PRELID2: variants seen among roughly 807,000 people sequenced by gnomAD.
The protein encoded by PRELID2 is PRELI domain containing 2, also known as PRELI domain-containing protein 2.
PRELID2 carries 25 observed loss-of-function variants against 28.4 expected under a neutral mutation model. That is an observed-to-expected ratio of 0.88 (90% CI 0.64 to 1.23). PRELID2 has a LOEUF of 1.23. PRELID2 is among the 50% of genes most tolerant of loss of function. The pLI is 0.00. For missense variants in PRELID2, 201 were observed against 214.4 expected (o/e 0.94, Z 0.39); for synonymous variants, 76 against 71.6 (o/e 1.06, Z -0.31).
the PRELID2 span, among the ~76,000 whole-genome samples, chr5:145,444,779 T>C: frequency 1.3e-5 from 2 of 152,050 alleles, no homozygotes; most frequent in African/African-American, 4.8e-5. Flanking sequence ...GTCCACTTAT[T>C]TCATATTAAG....
intron 1 of PRELID2, among the ~76,000 whole-genome samples, chr5:145,710,750 C>A (rs1018738711): frequency 6.6e-6 from 1 of 152,232 alleles, no homozygotes; most frequent in Non-Finnish European, 1.5e-5. Flanking sequence ...ATTTCATCTG[C>A]ATGCCAAGTA....
rs576382244 is a variant in PRELID2 at position 145,482,617 on chromosome 5, A to C, written n.71-9302T>G. ...TTTTTCCACGAACTGGGTTGTTGGG[A>C]AGGGGATGGTTTTGGTATGATTCAA... is the stretch of plus-strand genomic sequence containing the variant. On this transcript the variant is annotated intron_variant and non_coding_transcript_variant, in intron 1 of 2. Transcript: ENST00000510259. Among the ~76,000 whole-genome samples the C allele has an allele frequency of 3.9e-5, 6 of 152,092 alleles. 1 individual carries two copies. Among genetic ancestry groups the C allele is most frequent in the African/African-American group, 1.4e-4 (6 of 41,478 alleles).
At chr5:145,264,469 A>C in the PRELID2 span, among the ~76,000 whole-genome samples, 1 of 152,166 alleles carries the variant, frequency 6.6e-6, no homozygotes, top group African/African-American at 2.4e-5. Flanking sequence ...CCCTCCACAA[A>C]ATAGGCATAA....
chr5:145,650,303 C>T (rs976659180), intron 1 of PRELID2, among the ~76,000 whole-genome samples: 1 of 151,924 alleles, frequency 6.6e-6, no homozygotes, highest in Admixed American at 6.6e-5. Flanking sequence ...ACGAGTAGCA[C>T]TGAATGCCAG....
At chr5:145,569,292 A>G (rs1752997108) in intron 1 of PRELID2, among the ~76,000 whole-genome samples, 1 of 152,242 alleles carries the variant, frequency 6.6e-6, no homozygotes. Context: ...AGTCAAAAGA[A>G]AACCTGGTTT....
At chr5:145,667,349 T>C (rs987549189) in intron 1 of PRELID2, among the ~76,000 whole-genome samples, 1 of 152,088 alleles carries the variant, frequency 6.6e-6, no homozygotes, top group Non-Finnish European at 1.5e-5. Context: ...ATTGTCAAAA[T>C]ACACAGTTGT....
chr5:145,709,597 C>A lies in PRELID2; in HGVS notation n.70+55334G>T, dbSNP rs376538717. 1.2e-3 allele frequency among the ~76,000 whole-genome samples: 173 copies of A among 145,640 alleles called. 1 individual carries two copies. Among genetic ancestry groups the A allele is most frequent in the African/African-American group, 2.8e-3 (110 of 39,602 alleles). The stretch of plus-strand genomic sequence containing the variant: ...GATCTGTATTTAAAAAAAAAAAAAA[C>A]AAAATGAAGTGTGTCTGCTCTGTTT... On this transcript the variant is annotated intron_variant and non_coding_transcript_variant, in intron 1 of 2. Transcript: ENST00000510259.
At chr5:145,768,255 GA>G (rs1757895602) in intron 5 of PRELID2, among the ~76,000 whole-genome samples, 1 of 148,998 alleles carries the variant, frequency 6.7e-6, no homozygotes, top group Admixed American at 6.7e-5. Context: ...AGAATTAGGG[GA>G]AAGGGGATTG....
At chr5:145,799,240 A>G (rs942603775) in intron 4 of PRELID2, among the ~76,000 whole-genome samples, 5 of 151,026 alleles carry the variant, frequency 3.3e-5, no homozygotes, top group Non-Finnish European at 5.9e-5. Flanking sequence ...AAAAAAAAAA[A>G]AACCTACAAG....
In PRELID2 at chr5:145,782,687, G is replaced by A. The variant is rs183639610; in HGVS notation, c.474+13755C>T. Among the ~76,000 whole-genome samples the A allele has an allele frequency of 2.3e-3, 351 of 152,252 alleles. 1 individual carries two copies. The highest frequency in any genetic ancestry group is 0.01 in the Middle Eastern group (3 of 294). On this transcript the variant is annotated intron_variant, in intron 5 of 6. Coordinates refer to ENST00000683046, the MANE Select transcript of PRELID2 (RefSeq NM_205846.3). ...GCTAATTAGCATTTTATAAAATTAT[G>A]TTTCTTATTTTTAAATATTTTATTG...
chr5:145,722,593 G>A (rs1756021198), intron 1 of PRELID2, among the ~76,000 whole-genome samples: 1 of 152,122 alleles, frequency 6.6e-6, no homozygotes, highest in African/African-American at 2.4e-5. Flanking sequence ...CCACCTCCTG[G>A]GTTCAAGCGA....
intron 1 of PRELID2, among the ~76,000 whole-genome samples, chr5:145,745,306 G>C (rs774222606): frequency 1.3e-5 from 2 of 152,160 alleles, no homozygotes; most frequent in Non-Finnish European, 2.9e-5. Context: ...TTATCCAGGA[G>C]ACCTTCCCCA....
the PRELID2 span, among the ~76,000 whole-genome samples, chr5:145,278,436 C>A: frequency 6.6e-6 from 1 of 152,146 alleles, no homozygotes; most frequent in Non-Finnish European, 1.5e-5. Flanking sequence ...TGGCAGGATT[C>A]AATTCCTTGC....
the PRELID2 span, among the ~76,000 whole-genome samples, chr5:145,259,224 G>A: frequency 6.6e-6 from 1 of 152,218 alleles, no homozygotes; most frequent in Non-Finnish European, 1.5e-5. Context: ...TACTAGAGCA[G>A]TGAAGAGGGG....
the PRELID2 span, among the ~76,000 whole-genome samples, chr5:145,437,930 A>G: frequency 9.9e-5 from 15 of 152,110 alleles, no homozygotes; most frequent in Admixed American, 2.6e-4. Flanking sequence ...TAGCTCTGAA[A>G]ATGCTTCTTT....
At chr5:145,672,003 G>T (rs17103600) in intron 1 of PRELID2, among the ~76,000 whole-genome samples, 1 of 151,992 alleles carries the variant, frequency 6.6e-6, no homozygotes, top group African/African-American at 2.4e-5. Context: ...ATTTTCAAAC[G>T]CCTTGAATGG....
chr5:145,357,701 C>T, the PRELID2 span, among the ~76,000 whole-genome samples: 28 of 152,196 alleles, frequency 1.8e-4, no homozygotes, highest in African/African-American at 6.3e-4. Flanking sequence ...TCCTGAATGT[C>T]GATGATCTTT....
the PRELID2 span, among the ~76,000 whole-genome samples, chr5:145,426,045 G>T: frequency 2.6e-5 from 4 of 151,986 alleles, no homozygotes; most frequent in African/African-American, 9.7e-5. Context: ...TGAATTAAAC[G>T]TGGTGATTGT....
At chr5:145,665,921 T>G (rs1322842150) in intron 1 of PRELID2, among the ~76,000 whole-genome samples, 1 of 151,848 alleles carries the variant, frequency 6.6e-6, no homozygotes, top group African/African-American at 2.4e-5. Flanking sequence ...GAGAAACTTT[T>G]TTTGTAAGTA....
Sources: allele counts gnomAD v4.1 joint callset (sites outside exome capture counted in the v4.1 genomes callset), GRCh38; gene constraint gnomAD v4.1.1; transcripts MANE v1.5; gene names NCBI Gene and HGNC (gene_info 2026-07-23, HGNC 2026-07-21).